The following MRPS27 variants were observed in gnomAD, a reference collection of about 807,000 sequenced individuals.
The protein encoded by MRPS27 is small ribosomal subunit protein mS27.
In MRPS27, 43 loss-of-function variants were observed where a neutral mutation model predicts 48.9. The observed-to-expected ratio is 0.88, with a 90% CI of 0.69 to 1.13. MRPS27 has a LOEUF of 1.13. Among genes scored for constraint, MRPS27 ranks in the 50% most tolerant of loss-of-function variants. The probability of loss-of-function intolerance (pLI) is 0.00; values close to 1 mark genes in which losing one functional copy is unlikely to be tolerated. For synonymous variants in MRPS27, 188 were observed against 171.9 expected, an observed-to-expected ratio of 1.09 and a Z score of -0.73; for missense variants, 467 against 476.3, an observed-to-expected ratio of 0.98 and a Z score of 0.18.
intron 10 of MRPS27, among the ~76,000 whole-genome samples, chr5:72,223,324 T>C (rs1747802819): frequency 6.6e-6 from 1 of 152,214 alleles, no homozygotes; most frequent in African/African-American, 2.4e-5. Context: ...CAAGCACATT[T>C]AGTGCAAGAT....
intron 4 of MRPS27, among the ~76,000 whole-genome samples, chr5:72,281,940 T>G (rs1166098435): frequency 6.6e-6 from 1 of 152,358 alleles, no homozygotes; most frequent in East Asian, 1.9e-4. Flanking sequence ...ACACTGTTCA[T>G]GTGCTGTAAT....
chr5:72,242,985 T>C (rs906996609), intron 4 of MRPS27, among the ~76,000 whole-genome samples: 1 of 152,142 alleles, frequency 6.6e-6, no homozygotes, highest in African/African-American at 2.4e-5. Context: ...TCCACAATGT[T>C]TATCCGATTC....
chr5:72,269,258 G>A (rs549819898), intron 4 of MRPS27, among the ~76,000 whole-genome samples: 98 of 152,326 alleles, frequency 6.4e-4, no homozygotes, highest in South Asian at 1.9e-3. Context: ...CTGTCTAGAA[G>A]AGGCAGTGTT....
intron 4 of MRPS27, chr5:72,241,522 G>T (rs1748349500): frequency 3.2e-6 from 3 of 934,486 alleles, no homozygotes; most frequent in East Asian, 5.4e-5. Flanking sequence ...TTCAATTTTG[G>T]ATGGCAAGTT....
At chr5:72,269,392 TCTGA>T (rs1210943520) in intron 4 of MRPS27, among the ~76,000 whole-genome samples, 1 of 152,336 alleles carries the variant, frequency 6.6e-6, no homozygotes, top group East Asian at 1.9e-4. Context: ...CAAACAGGTA[TCTGA>T]CTAATATTTC....
At chr5:72,228,700 C>T (rs776852921) in intron 7 of MRPS27, 20 of 200,348 alleles carry the variant, frequency 1.0e-4, no homozygotes, top group Middle Eastern at 1.8e-3. Flanking sequence ...AAACAAAACA[C>T]AAATAAAGAG....
intron 2 of MRPS27, among the ~76,000 whole-genome samples, chr5:72,299,282 T>C (rs1321556145): frequency 5.1e-5 from 7 of 137,476 alleles, no homozygotes; most frequent in African/African-American, 1.9e-4. Flanking sequence ...AATAAAGAAG[T>C]CCAATATAAT....
In MRPS27 at chr5:72,320,198, G is replaced by C. The variant is rs775782651; in HGVS notation, c.24C>G (p.Arg8=). 1.2e-5 allele frequency: 19 copies of C among 1,613,792 alleles called. No individual in the cohort carries two copies. Among genetic ancestry groups the C allele is most frequent in the African/African-American group, 9.3e-5 (7 of 74,880 alleles). The change falls in exon 1 of 11, where the codon CGC becomes CGG. Residue 8 remains arginine (R), a synonymous_variant. Coordinates refer to ENST00000261413, the MANE Select transcript of MRPS27 (RefSeq NM_015084.3). MAASIVR[R]GMLLARQVVL... Reference sequence around the variant, plus strand: ...CCACTTGCCGCGCCAGGAGCATCCCGCGCCGCACTATGGAGGCAGCCATCT... The same window carrying C: ...CCACTTGCCGCGCCAGGAGCATCCCCCGCCGCACTATGGAGGCAGCCATCT...
At chr5:72,320,081 G>GA in intron 1 of MRPS27, 68 bp downstream of exon 1, 1 of 1,530,204 alleles carries the variant, frequency 6.5e-7, no homozygotes, top group East Asian at 2.2e-5. Context: ...CTCTCCTCTT[G>GA]AAAGCCCACC....
rs535795552 is a variant in MRPS27, at chr5:72,276,216, C to T, written c.281+19315G>A. Reference sequence around the variant, plus strand: ...AGCATAGTACTGGTACAAAAACAGACACATAGACCAATGGAACAGGCTAGA... The same window carrying T: ...AGCATAGTACTGGTACAAAAACAGATACATAGACCAATGGAACAGGCTAGA... On this transcript the variant is annotated intron_variant, in intron 4 of 10. Coordinates refer to ENST00000261413, the MANE Select transcript of MRPS27 (RefSeq NM_015084.3). Among the ~76,000 whole-genome samples, 8 of 152,198 alleles carry T rather than the reference C, an allele frequency of 5.3e-5. No individual in the cohort carries two copies. In the East Asian group the frequency reaches 5.8e-4, roughly 11 times the overall value.
At chr5:72,232,956 A>T (rs1286463706) in intron 6 of MRPS27, among the ~76,000 whole-genome samples, 1 of 152,156 alleles carries the variant, frequency 6.6e-6, no homozygotes, top group Non-Finnish European at 1.5e-5. Context: ...CATCATGTCT[A>T]CCAGCTAGAA....
intron 1 of MRPS27, among the ~76,000 whole-genome samples, chr5:72,315,181 T>C (rs951935717): frequency 2.0e-5 from 3 of 152,110 alleles, no homozygotes; most frequent in African/African-American, 7.2e-5. Context: ...GAGAAAATAT[T>C]TGCAAAACAT....
chr5:72,315,556 C>T lies in MRPS27; in HGVS notation c.74-1398G>A, dbSNP rs142148771. Among the ~76,000 whole-genome samples, 1,023 of 122,626 alleles carry T rather than the reference C, an allele frequency of 8.3e-3. 11 individuals are homozygous for T. The highest frequency in any genetic ancestry group is 0.03 in the African/African-American group (979 of 32,514). 80.4% of individuals were successfully genotyped at this position (122,626 alleles called of 152,430 possible). On this transcript the variant is annotated intron_variant, in intron 1 of 10. Coordinates refer to ENST00000261413, the MANE Select transcript of MRPS27 (RefSeq NM_015084.3). The stretch of plus-strand genomic sequence containing the variant: ...TGGGCAACAGAGTGAGACTCTGTTT[C>T]GAAAAAAAAAAAAAAAGAAAAAGTA...
intron 5 of MRPS27, among the ~76,000 whole-genome samples, chr5:72,237,201 T>C (rs1180971118): frequency 6.6e-6 from 1 of 152,154 alleles, no homozygotes; most frequent in African/African-American, 2.4e-5. Context: ...GATTTATAAG[T>C]AATCCTGCTT....
intron 4 of MRPS27, among the ~76,000 whole-genome samples, chr5:72,243,994 G>T (rs1398849973): frequency 6.6e-6 from 1 of 152,098 alleles, no homozygotes; most frequent in Non-Finnish European, 1.5e-5. Context: ...TCCCTTTCCA[G>T]ATCTAGAGTT....
intron 4 of MRPS27, among the ~76,000 whole-genome samples, chr5:72,268,382 C>A (rs550004836): frequency 6.6e-6 from 1 of 152,152 alleles, no homozygotes; most frequent in African/African-American, 2.4e-5. Context: ...CTCTTTGCTA[C>A]ACAAATGTTT....
intron 2 of MRPS27, 112 bp from the exon 3 acceptor site, chr5:72,297,814 T>C: frequency 2.1e-6 from 1 of 468,252 alleles, no homozygotes. Context: ...TTCTTGCTTT[T>C]TAGAAATTAT....
At chr5:72,312,287 A>T (rs904719) in intron 2 of MRPS27, among the ~76,000 whole-genome samples, 116,571 of 152,194 alleles carry the variant, frequency 0.77, 45,301 homozygotes, top group African/African-American at 0.89. Context: ...AAGTTTTTTT[A>T]ATGGAAAATA....
At chr5:72,293,016 G>A (rs1322679711) in intron 4 of MRPS27, among the ~76,000 whole-genome samples, 1 of 152,180 alleles carries the variant, frequency 6.6e-6, no homozygotes, top group Non-Finnish European at 1.5e-5. Flanking sequence ...GGCCTAACTG[G>A]TAGAAATATT....
Sources: allele counts gnomAD v4.1 joint callset (sites outside exome capture counted in the v4.1 genomes callset), GRCh38; gene constraint gnomAD v4.1.1; transcripts MANE v1.5; gene names NCBI Gene and HGNC (gene_info 2026-07-23, HGNC 2026-07-21).